Variants in ESPN observed in about 807,000 individuals in gnomAD.
The protein encoded by ESPN is espin, also known as autosomal recessive deafness type 36 protein.
Under a neutral mutation model 77.7 loss-of-function variants are expected in ESPN, and 68 were observed. The observed-to-expected ratio is 0.87, with a 90% CI of 0.72 to 1.07. The LOEUF is 1.07. Ranked by LOEUF, ESPN falls within the 50% of genes least tolerant of loss-of-function variation. ESPN has a pLI of 0.00. For missense variants in ESPN, 1,060 were observed against 1,239.0 expected, an observed-to-expected ratio of 0.86 and a Z score of 2.17; for synonymous variants, 449 against 567.1, an observed-to-expected ratio of 0.79 and a Z score of 2.96.
Position 6,457,227 on chromosome 1 carries a change from G to A in ESPN, c.2369G>A (p.Arg790Lys). 2 of 1,613,306 alleles carry A rather than the reference G, an allele frequency of 1.2e-6. No homozygotes were observed. The highest frequency in any genetic ancestry group is 2.7e-5 in the African/African-American group (2 of 75,058). Residue 790 changes from arginine to lysine, a missense_variant, in exon 11 of 13, where the codon AGG (arginine) becomes AAG (lysine). Around this residue, in one of 3 missense-constraint regions of ESPN, gnomAD observed 374 missense variants for 381.4 expected, o/e 0.98. Transcript: ENST00000645284. ...EARLASMPAW[R>K]RDLLRKKLEE... Reference sequence around the variant, plus strand: ...CGGCTGGCCAGCATGCCCGCCTGGAGGCGGGACCTCCTGCGGAAGAAGCTG... The same window carrying A: ...CGGCTGGCCAGCATGCCCGCCTGGAAGCGGGACCTCCTGCGGAAGAAGCTG...
chr1:6,451,397 G>A lies in ESPN; in HGVS notation c.1916-206G>A. 1.5e-6 allele frequency: 1 copy of A among 657,888 alleles called. No homozygotes were observed. The highest frequency in any genetic ancestry group is 2.8e-5 in the East Asian group (1 of 36,338). 40.8% of individuals were successfully genotyped at this position (657,888 alleles called of 1,614,324 possible). On this transcript the variant is annotated intron_variant, in intron 8 of 12. Transcript: ENST00000645284. The surrounding 1 kb of genome is among the most constrained non-coding windows in gnomAD (Gnocchi z 4.3). ...TGAGTAGGGTGGGGAAGATGGTGGGGTTGCCACAGTCAGGGAACCAAGGGC... is the reference window on the plus strand; with the variant it reads ...TGAGTAGGGTGGGGAAGATGGTGGGATTGCCACAGTCAGGGAACCAAGGGC...
downstream of ESPN, chr1:6,461,244 GACAT>G (rs1254889677): frequency 3.9e-6 from 3 of 769,362 alleles, no homozygotes; most frequent in Non-Finnish European, 6.9e-6. This position sits in a 1 kb window ranked among gnomAD's most constrained non-coding sequence, Gnocchi z 6.3. Context: ...ACCCCCTCTC[GACAT>G]TCGTTCGTGC....
In ESPN at chr1:6,457,071, T is replaced by A. The variant is rs112857905; in HGVS notation, c.2326-113T>A. 408 of 1,040,832 alleles carry A rather than the reference T, an allele frequency of 3.9e-4. No homozygotes were observed. The African/African-American group carries it at 5.6e-3, about 14-fold the overall frequency. 64.5% of individuals were successfully genotyped at this position (1,040,832 alleles called of 1,614,324 possible). A position where few individuals can be genotyped will look rare whatever the true frequency, so the allele number is the denominator to read the frequency against. ...CACCTCCATCCACTTGTCACACAGA[T>A]GTGCATCAAAAGGATGTCTTCCTGT... On this transcript the variant is annotated intron_variant, in intron 10 of 12. Coordinates refer to ENST00000645284, the MANE Select transcript of ESPN (RefSeq NM_031475.3).
At position 6,450,805 on chromosome 1, in the gene ESPN, G is replaced by A. The variant is rs1417774207; in HGVS notation, c.1916-798G>A. Among the ~76,000 whole-genome samples the A allele has an allele frequency of 6.6e-6, 1 of 151,428 alleles. No individual in the cohort carries two copies. Among genetic ancestry groups the A allele is most frequent in the African/African-American group, 2.4e-5 (1 of 41,098 alleles). On this transcript the variant is annotated intron_variant, in intron 8 of 12. Coordinates refer to ENST00000645284, the MANE Select transcript of ESPN (RefSeq NM_031475.3). The surrounding 1 kb of genome is among the most constrained non-coding windows in gnomAD (Gnocchi z 4.3). ...CCAGCCTGGGAATCCAAGAGCTGTC[G>A]GCCCATTTTATTCCTCCCTCCCAGA...
chr1:6,454,973 C>G, intron 10 of ESPN: 1 of 380,514 alleles, frequency 2.6e-6, no homozygotes, highest in East Asian at 3.8e-5. Flanking sequence ...TCCGCGCCAC[C>G]TACGAGCTGC....
Position 6,460,051 on chromosome 1 carries a change from T to G in ESPN, c.2470T>G (p.Ser824Ala). ...QEELRREKEQ[S>A]EKLRTLGYDE... is the part of the protein sequence containing the mutation. ...GGAGCTGCGGCGGGAGAAGGAACAGTCAGAGAAGCTGCGGACGCTGGGCTA... is the reference window on the plus strand; with the variant it reads ...GGAGCTGCGGCGGGAGAAGGAACAGGCAGAGAAGCTGCGGACGCTGGGCTA... Residue 824 changes from serine (S) to alanine (A), a missense_variant, in exon 13 of 13, where the codon TCA becomes GCA. Transcript: ENST00000645284. The G allele has an allele frequency of 6.2e-7, 1 of 1,613,216 alleles. No homozygotes were observed. The highest frequency in any genetic ancestry group is 8.5e-7 in the Non-Finnish European group (1 of 1,179,954).
At chr1:6,436,982 A>G (rs1467152743) in intron 2 of ESPN, among the ~76,000 whole-genome samples, 1 of 151,786 alleles carries the variant, frequency 6.6e-6, no homozygotes, top group Admixed American at 6.6e-5. Flanking sequence ...ATGTTGAGCC[A>G]GGATCCCCTC....
chr1:6,430,756 AG>A (rs1185060523), intron 2 of ESPN, among the ~76,000 whole-genome samples: 5 of 151,570 alleles, frequency 3.3e-5, no homozygotes, highest in Non-Finnish European at 7.4e-5. Flanking sequence ...GGGCAACAAG[AG>A]TGAAACTCTG....
At chr1:6,446,048 C>T in intron 7 of ESPN, 113 bp downstream of exon 7, 1 of 1,090,206 alleles carries the variant, frequency 9.2e-7, no homozygotes, top group Non-Finnish European at 1.4e-6. Flanking sequence ...ATCCCTGGGT[C>T]CATGGCATGT....
chr1:6,431,781 A>G (rs1643266255), intron 2 of ESPN, among the ~76,000 whole-genome samples: 1 of 152,208 alleles, frequency 6.6e-6, no homozygotes, highest in Admixed American at 6.5e-5. Flanking sequence ...CACCCCGAGC[A>G]GTAGCTATGT....
At position 6,442,022 on chromosome 1, in the gene ESPN, AGG is replaced by A. The variant is rs777665115; in HGVS notation, c.990+959_990+960del. On this transcript the variant is annotated intron_variant, in intron 5 of 12. Coordinates refer to ENST00000645284, the MANE Select transcript of ESPN (RefSeq NM_031475.3). ...AGCAGGTAGTGAGCACTCTGTCACTAGGGTATATAAGCTGGGATGGACACTGG... is the reference window on the plus strand; with the variant it reads ...AGCAGGTAGTGAGCACTCTGTCACTAGTATATAAGCTGGGATGGACACTGG... 4.6e-5 allele frequency among the ~76,000 whole-genome samples: 7 copies of A among 152,314 alleles called. No individual in the cohort carries two copies. The South Asian group carries it at 6.2e-4, about 14-fold the overall frequency.
chr1:6,428,982 C>A lies in ESPN; in HGVS notation c.488+563C>A, dbSNP rs556517876. ...TGTTATCTCCTGTGGCCCCTCAGCC[C>A]GTTCCTACTATCAAGGGAAGCATGG... is the stretch of plus-strand genomic sequence containing the variant. On this transcript the variant is annotated intron_variant, in intron 2 of 12. Coordinates refer to ENST00000645284, the MANE Select transcript of ESPN (RefSeq NM_031475.3). This position sits in a 1 kb window ranked among gnomAD's most constrained non-coding sequence, Gnocchi z 5.4. Among the ~76,000 whole-genome samples the A allele has an allele frequency of 6.6e-6, 1 of 152,112 alleles. No individual in the cohort carries two copies. Among genetic ancestry groups the A allele is most frequent in the East Asian group, 1.9e-4 (1 of 5,184 alleles).
chr1:6,457,388 G>A lies in ESPN; in HGVS notation c.2417+16G>A. On this transcript the variant is annotated intron_variant, in intron 12 of 12. Transcript: ENST00000645284. ...AGCAGAAGCGGTGAGTGCAGGGCTG[G>A]CCCCAACCTGCCACCCTTATCCCCA... The A allele has an allele frequency of 6.2e-7, 1 of 1,614,172 alleles. No individual in the cohort carries two copies. Among genetic ancestry groups the A allele is most frequent in the Non-Finnish European group, 8.5e-7 (1 of 1,180,018 alleles).
chr1:6,430,957 C>T (rs1302826141), intron 2 of ESPN, among the ~76,000 whole-genome samples: 1 of 152,092 alleles, frequency 6.6e-6, no homozygotes, highest in African/African-American at 2.4e-5. Flanking sequence ...CTAATCAGGG[C>T]AGAGTGAGGA....
chr1:6,438,631 A>G (rs746125793), intron 2 of ESPN, among the ~76,000 whole-genome samples: 4 of 152,210 alleles, frequency 2.6e-5, no homozygotes, highest in Non-Finnish European at 5.9e-5. Context: ...TTCAAATGCC[A>G]CTTACCAGCT....
Position 6,425,041 on chromosome 1 carries a change from C to T in ESPN, c.86C>T (p.Pro29Leu). The change falls in exon 1 of 13, where the codon CCC becomes CTC. Residue 29 changes from proline to leucine, a missense_variant. Transcript: ENST00000645284. ...RSLHAAGLLG[P>L]SLRDPLDALP... is the part of the protein sequence containing the mutation. ...CTGCACGCCGCAGGCCTCCTGGGGCCCTCGCTGCGCGACCCGCTGGACGCG... is the reference window on the plus strand; with the variant it reads ...CTGCACGCCGCAGGCCTCCTGGGGCTCTCGCTGCGCGACCCGCTGGACGCG... 6.8e-7 allele frequency: 1 copy of T among 1,468,880 alleles called. No homozygotes were observed. The highest frequency in any genetic ancestry group is 8.9e-7 in the Non-Finnish European group (1 of 1,117,346). The allele number at this position is 1,468,880 out of a possible 1,614,324, so 91.0% of individuals were successfully genotyped here.
rs1643471104 is a variant in ESPN at position 6,437,237 on chromosome 1, T to G, written c.489-3017T>G. The G allele has an allele frequency of 6.6e-6, 1 of 152,178 alleles. No homozygotes were observed. Among genetic ancestry groups the G allele is most frequent in the African/African-American group, 2.4e-5 (1 of 41,444 alleles). The allele number at this position is 152,178 out of a possible 1,614,324, so 9.4% of individuals were successfully genotyped here. A position where few individuals can be genotyped will look rare whatever the true frequency, so the allele number is the denominator to read the frequency against. ...TCAGATCCTGCTTGGTGCCAGCTTC[T>G]CAGACCTTCTCCGGCTGGCTGGGCA... On this transcript the variant is annotated intron_variant, in intron 2 of 12. Transcript: ENST00000645284. This position sits in a 1 kb window ranked among gnomAD's most constrained non-coding sequence, Gnocchi z 4.5.
intron 5 of ESPN, among the ~76,000 whole-genome samples, chr1:6,442,574 A>G (rs80156711): frequency 6.9e-6 from 1 of 144,394 alleles, no homozygotes; most frequent in Non-Finnish European, 1.5e-5. Context: ...CTCCTTCTAA[A>G]AAAAAAAAAA....
chr1:6,446,735 G>A (rs1434243362), intron 7 of ESPN, among the ~76,000 whole-genome samples: 1 of 152,174 alleles, frequency 6.6e-6, no homozygotes, highest in Admixed American at 6.5e-5. Flanking sequence ...AAGAGGTGAG[G>A]GGACAGCCTG....
Sources: allele counts gnomAD v4.1 joint callset (sites outside exome capture counted in the v4.1 genomes callset), GRCh38; gene constraint gnomAD v4.1.1; regional missense constraint gnomAD v4.1.1; non-coding constraint Gnocchi (gnomAD v3.1); transcripts MANE v1.5; gene names NCBI Gene and HGNC (gene_info 2026-07-23, HGNC 2026-07-21).